The following ANKRD28 variants were observed in gnomAD, a reference collection of about 807,000 sequenced individuals.
ANKRD28 encodes the protein ankyrin repeat domain 28.
A neutral mutation model predicts 126.5 loss-of-function variants in ANKRD28; 44 were observed. The observed-to-expected ratio is 0.35, with a 90% CI of 0.27 to 0.45. The LOEUF is 0.45. Among genes scored for constraint, ANKRD28 ranks in the 20% least tolerant of loss-of-function variants. The pLI is 1.00. For synonymous variants in ANKRD28, 442 were observed against 468.5 expected, an observed-to-expected ratio of 0.94 and a Z score of 0.73; for missense variants, 1,110 against 1,316.6, an observed-to-expected ratio of 0.84 and a Z score of 2.43.
intron 14 of ANKRD28, among the ~76,000 whole-genome samples, chr3:15,702,352 T>TG (rs1325552401): frequency 6.6e-6 from 1 of 152,086 alleles, no homozygotes; most frequent in African/African-American, 2.4e-5. Flanking sequence ...CATTAGAGGG[T>TG]GGGGGCAGAA....
chr3:15,794,572 T>C (rs1327177591), intron 2 of ANKRD28, among the ~76,000 whole-genome samples: 2 of 105,278 alleles, frequency 1.9e-5, no homozygotes, highest in African/African-American at 2.8e-5. Flanking sequence ...AACTAAATAC[T>C]GGCCACTGAA....
At chr3:15,827,666 T>A (rs2061097380) in intron 1 of ANKRD28, among the ~76,000 whole-genome samples, 1 of 152,096 alleles carries the variant, frequency 6.6e-6, no homozygotes, top group African/African-American at 2.4e-5. Flanking sequence ...AAAAGCTTCA[T>A]GACATTGGAT....
intron 2 of ANKRD28, among the ~76,000 whole-genome samples, chr3:15,788,570 T>C (rs1020494995): frequency 2.8e-4 from 43 of 152,112 alleles, no homozygotes; most frequent in African/African-American, 1.0e-3. Context: ...AAAAGTAAAG[T>C]TCTACAATTA....
At chr3:15,715,994 CTTTTTTTTTTT>C (rs5846874) in intron 8 of ANKRD28, among the ~76,000 whole-genome samples, 1 of 142,712 alleles carries the variant, frequency 7.0e-6, no homozygotes, top group Non-Finnish European at 1.6e-5. Flanking sequence ...TTTTTTCTCT[CTTTTTTTTTTT>C]TGAGACTTGC....
chr3:15,744,900 A>G lies in ANKRD28; in HGVS notation c.351+6850T>C, dbSNP rs115512772. On this transcript the variant is annotated intron_variant, in intron 4 of 27. Coordinates refer to ENST00000683139, the MANE Select transcript of ANKRD28 (RefSeq NM_001349278.2). ...CCCTTTTCATTGCATCCACACCAAC[A>G]TCTATTATTTTTTCATTTTTTTGAC... is the stretch of plus-strand genomic sequence containing the variant. Among the ~76,000 whole-genome samples the G allele has an allele frequency of 5.9e-3, 899 of 152,160 alleles. 13 individuals carry two copies. Among genetic ancestry groups the G allele is most frequent in the African/African-American group, 0.02 (843 of 41,498 alleles).
chr3:15,782,525 CCTT>C (rs746974847), intron 2 of ANKRD28, among the ~76,000 whole-genome samples: 1 of 152,032 alleles, frequency 6.6e-6, no homozygotes, highest in South Asian at 2.1e-4. Flanking sequence ...AAGGGTCAAT[CCTT>C]CAAGAGGAAT....
Position 15,797,482 on chromosome 3 carries a change from T to C in ANKRD28, c.-961A>G. On this transcript the variant is annotated 5_prime_UTR_variant, in exon 1 of 28. It removes the in-frame stop codon of an upstream open reading frame in the 5' UTR. Transcript: ENST00000683139. ...CAGAAATGGTGTTAGTGGAGAATCC[T>C]AGTAGAACAAGCAGGCTGTGAAGGA... 1 of 985,188 alleles carries C rather than the reference T, an allele frequency of 1.0e-6. No homozygotes were observed. The highest frequency in any genetic ancestry group is 4.7e-5 in the South Asian group (1 of 21,286). The allele number at this position is 985,188 out of a possible 1,614,324, so 61.0% of individuals were successfully genotyped here.
At chr3:15,822,610 C>A (rs111487239) in intron 1 of ANKRD28, among the ~76,000 whole-genome samples, 1 of 151,878 alleles carries the variant, frequency 6.6e-6, no homozygotes, top group Non-Finnish European at 1.5e-5. Flanking sequence ...GAAATTGTCC[C>A]AGAGGAAGGC....
chr3:15,806,879 T>G (rs897847646), intron 1 of ANKRD28, among the ~76,000 whole-genome samples: 7 of 152,210 alleles, frequency 4.6e-5, no homozygotes, highest in Non-Finnish European at 1.0e-4. Flanking sequence ...AATAGAATAT[T>G]AAACACATTT....
chr3:15,820,014 A>T (rs1254610028), intron 1 of ANKRD28, among the ~76,000 whole-genome samples: 1 of 152,240 alleles, frequency 6.6e-6, no homozygotes, highest in Non-Finnish European at 1.5e-5. Context: ...TAGAATATTA[A>T]TTTGGTCACA....
intron 4 of ANKRD28, among the ~76,000 whole-genome samples, chr3:15,743,836 G>C (rs1015669320): frequency 6.6e-6 from 1 of 152,178 alleles, no homozygotes; most frequent in Middle Eastern, 3.2e-3. Flanking sequence ...CCTAGTTTCA[G>C]TGAGGTAATT....
rs944505481 is a variant in ANKRD28, at chr3:15,812,569, T to C, written c.28-17263A>G. ...CCATTTTCTTAATCAAATTTTACTA[T>C]ATTAAGTTGGCATTTCGTTGTTGTT... On this transcript the variant is annotated intron_variant, in intron 1 of 27. Transcript: ENST00000399451. The surrounding 1 kb of genome is among the most constrained non-coding windows in gnomAD (Gnocchi z 4.1). Among the ~76,000 whole-genome samples the C allele has an allele frequency of 6.6e-6, 1 of 152,236 alleles. No individual in the cohort carries two copies. Among genetic ancestry groups the C allele is most frequent in the Admixed American group, 6.5e-5 (1 of 15,284 alleles).
At chr3:15,850,647 T>A (rs980241520) in intron 1 of ANKRD28, among the ~76,000 whole-genome samples, 3 of 152,206 alleles carry the variant, frequency 2.0e-5, no homozygotes, top group African/African-American at 7.2e-5. Flanking sequence ...CACACGGAGA[T>A]TCCTGGACAG....
At chr3:15,685,190 T>C (rs769664763) in intron 21 of ANKRD28, 36 bp downstream of exon 21, 20 of 1,585,480 alleles carry the variant, frequency 1.3e-5, no homozygotes, top group Non-Finnish European at 1.7e-5. Flanking sequence ...CTCTGTTCAC[T>C]ACACAATGAT....
chr3:15,694,517 C>CTT (rs376633083), intron 17 of ANKRD28, among the ~76,000 whole-genome samples: 1 of 142,640 alleles, frequency 7.0e-6, no homozygotes, highest in Non-Finnish European at 1.5e-5. Flanking sequence ...CACTGTCTGT[C>CTT]TTTTTTTTTT....
At chr3:15,824,144 T>C (rs2061006676) in intron 1 of ANKRD28, among the ~76,000 whole-genome samples, 1 of 152,240 alleles carries the variant, frequency 6.6e-6, no homozygotes, top group African/African-American at 2.4e-5. Context: ...GATATGATGT[T>C]ATACATAGAA....
At chr3:15,792,869 C>T (rs2060099212) in intron 2 of ANKRD28, among the ~76,000 whole-genome samples, 1 of 151,974 alleles carries the variant, frequency 6.6e-6, no homozygotes, top group Admixed American at 6.6e-5. Context: ...TTAAAACCCA[C>T]TAAAATAAGA....
intron 4 of ANKRD28, among the ~76,000 whole-genome samples, chr3:15,750,905 T>C (rs1423661475): frequency 6.6e-6 from 1 of 152,214 alleles, no homozygotes; most frequent in Non-Finnish European, 1.5e-5. Context: ...TCACATACTT[T>C]TGTATTTTAA....
chr3:15,762,192 AAAAAAAAAAAAAAAAAAAAAACAAAAC>A (rs1388252547), intron 3 of ANKRD28, among the ~76,000 whole-genome samples: 113 of 35,272 alleles, frequency 3.2e-3, no homozygotes, highest in Non-Finnish European at 4.3e-3. Context: ...TGTCTTTAAA[AAAAAAAAAAAAAAAAAAAAAACAAAAC>A]AAAAAAAAAA....
Sources: gnomAD v4.1 joint callset for allele counts (sites outside exome capture counted in the v4.1 genomes callset) on GRCh38, gnomAD v4.1.1 for gene constraint, Gnocchi (gnomAD v3.1) non-coding constraint, MANE v1.5 for transcripts, NCBI Gene and HGNC (gene_info 2026-07-23, HGNC 2026-07-21) for gene names.